MTR: variants seen among roughly 807,000 people sequenced by gnomAD.
MTR encodes the protein methionine synthase.
In MTR, 84 loss-of-function variants were observed where a neutral mutation model predicts 154.8. The observed-to-expected ratio is 0.54, with a 90% confidence interval of 0.45 to 0.65. The LOEUF is 0.65. Ranked by LOEUF, MTR falls within the 30% of genes least tolerant of loss-of-function variation. The probability of loss-of-function intolerance (pLI) is 0.00; values close to 1 mark genes in which losing one functional copy is unlikely to be tolerated. For synonymous variants in MTR, 554 were observed against 553.9 expected (o/e 1.00, Z 0.00); for missense variants, 1,275 against 1,570.2 (o/e 0.81, Z 3.18).
rs1488288041 is a variant in MTR at position 236,897,737 on chromosome 1, G to A, written c.*93G>A. 3 of 1,130,126 alleles carry A rather than the reference G, an allele frequency of 2.7e-6. No homozygotes were observed. In the East Asian group the frequency reaches 7.1e-5, roughly 27 times the overall value. The allele number at this position is 1,130,126 out of a possible 1,614,324, so 70.0% of individuals were successfully genotyped here. A position where few individuals can be genotyped will look rare whatever the true frequency, so the allele number is the denominator to read the frequency against. ...AAAATAACAACAACAAAAAACCTGT[G>A]TGCATCTGGCTGACACTTACCTGCT... On this transcript the variant is annotated 3_prime_UTR_variant, in exon 33 of 33. Transcript: ENST00000366577.
intron 24 of MTR, among the ~76,000 whole-genome samples, chr1:236,878,254 G>A (rs1189727865): frequency 1.3e-5 from 2 of 152,066 alleles, no homozygotes; most frequent in Non-Finnish European, 2.9e-5. Flanking sequence ...TCATCTCCTA[G>A]GAGAGCCACC....
At chr1:236,808,655 T>C in intron 3 of MTR, 49 bp from the exon 4 acceptor site, 1 of 1,535,632 alleles carries the variant, frequency 6.5e-7, no homozygotes, top group South Asian at 1.1e-5. Context: ...CATTATTTAT[T>C]GTGCGGAGGA....
rs1264676428 is a variant in MTR, at chr1:236,806,164, A to C, written c.270A>C (p.Ala90=). ...TGCAGGAATACTTGCTGGCTGGGGC[A>C]GATATCATTGAAACAAATACTTTTA... The part of the protein sequence containing the change: ...QIHKEYLLAG[A]DIIETNTFSS... Residue 90 remains alanine (A), a synonymous_variant, in exon 3 of 33, where the codon GCA becomes GCC. Transcript: ENST00000366577. The C allele has an allele frequency of 6.2e-7, 1 of 1,614,110 alleles. No individual in the cohort carries two copies.
chr1:236,901,327 CATTT>C lies in MTR; in HGVS notation c.*3685_*3688del, dbSNP rs1666908688. 1.3e-5 allele frequency: 2 copies of C among 152,314 alleles called. No homozygotes were observed. Among genetic ancestry groups the C allele is most frequent in the African/African-American group, 4.8e-5 (2 of 41,386 alleles). 9.4% of individuals were successfully genotyped at this position (152,314 alleles called of 1,614,324 possible). On this transcript the variant is annotated 3_prime_UTR_variant, in exon 33 of 33. Coordinates refer to ENST00000366577, the MANE Select transcript of MTR (RefSeq NM_000254.3). ...GGGAGGTGTGGAAGACTTGTTGACT[CATTT>C]AAAGAAGATTGGAGGGAAAGGTAGG...
At chr1:236,870,386 G>C (rs920470053) in intron 22 of MTR, among the ~76,000 whole-genome samples, 4 of 152,180 alleles carry the variant, frequency 2.6e-5, no homozygotes, top group Admixed American at 1.3e-4. Flanking sequence ...GAAATGTTCT[G>C]GGGCTCAGCC....
intron 22 of MTR, among the ~76,000 whole-genome samples, chr1:236,867,061 C>T (rs1385393261): frequency 2.0e-5 from 3 of 152,170 alleles, no homozygotes; most frequent in Non-Finnish European, 2.9e-5. Flanking sequence ...AGGAAGGTGG[C>T]TATGCTAACC....
At chr1:236,804,582 T>G (rs1660872399) in intron 2 of MTR, among the ~76,000 whole-genome samples, 1 of 152,244 alleles carries the variant, frequency 6.6e-6, no homozygotes, top group Non-Finnish European at 1.5e-5. Flanking sequence ...ATTCCATGTA[T>G]ATATCATCAT....
chr1:236,895,531 A>G lies in MTR; in HGVS notation c.3579A>G (p.Ala1193=). 1 of 1,577,286 alleles carries G rather than the reference A, an allele frequency of 6.3e-7. No individual in the cohort carries two copies. Among genetic ancestry groups the G allele is most frequent in the Non-Finnish European group, 8.6e-7 (1 of 1,160,288 alleles). Residue 1193 remains alanine, a synonymous_variant, in exon 31 of 33, where the codon GCA becomes GCG. Coordinates refer to ENST00000366577, the MANE Select transcript of MTR (RefSeq NM_000254.3). ...AGAAGCTCACCATGTGGAGACTCGC[A>G]GACATCGAGCAGTCTACAGGTAGGA... ...HTEKLTMWRL[A]DIEQSTGIRL...
intron 8 of MTR, chr1:236,820,190 G>A (rs1245967447): frequency 1.6e-5 from 12 of 761,430 alleles, no homozygotes; most frequent in South Asian, 4.0e-5. Flanking sequence ...CTGCACATGC[G>A]TGGCACCATT....
chr1:236,832,549 A>G (rs566669123), intron 13 of MTR, among the ~76,000 whole-genome samples: 8 of 152,314 alleles, frequency 5.3e-5, no homozygotes, highest in African/African-American at 1.7e-4. Flanking sequence ...TGCCTTGGAA[A>G]GTTTATGTGA....
intron 20 of MTR, among the ~76,000 whole-genome samples, chr1:236,861,959 C>T (rs1664571522): frequency 5.9e-5 from 9 of 152,224 alleles, no homozygotes; most frequent in Admixed American, 5.9e-4. Flanking sequence ...AGATAGAGGG[C>T]CTCCTAGACA....
At chr1:236,842,644 A>T (rs528711369) in intron 15 of MTR, among the ~76,000 whole-genome samples, 2 of 152,184 alleles carry the variant, frequency 1.3e-5, no homozygotes, top group East Asian at 3.9e-4. Context: ...CTTCAAATAT[A>T]TCCTGAGCAC....
At chr1:236,892,714 G>A (rs944986274) in intron 29 of MTR, among the ~76,000 whole-genome samples, 14 of 152,096 alleles carry the variant, frequency 9.2e-5, no homozygotes, top group African/African-American at 3.4e-4. Flanking sequence ...AAGGCACTGG[G>A]GTTCTAATGT....
At chr1:236,845,883 A>G (rs1389109402) in intron 15 of MTR, among the ~76,000 whole-genome samples, 1 of 152,262 alleles carries the variant, frequency 6.6e-6, no homozygotes, top group East Asian at 1.9e-4. Context: ...TGGATGTAGC[A>G]ATCAGTTAAG....
At chr1:236,814,082 T>C (rs555170292) in intron 6 of MTR, among the ~76,000 whole-genome samples, 2 of 152,270 alleles carry the variant, frequency 1.3e-5, no homozygotes, top group African/African-American at 4.8e-5. Context: ...TTTTGAACTT[T>C]TCAAAAAAAT....
intron 25 of MTR, among the ~76,000 whole-genome samples, chr1:236,883,856 T>C (rs1665883069): frequency 6.6e-6 from 1 of 152,200 alleles, no homozygotes; most frequent in Non-Finnish European, 1.5e-5. Context: ...TCATTCAGTC[T>C]GACTTCCTTA....
At chr1:236,806,092 G>A (rs1660968202) in intron 2 of MTR, 52 bp from the exon 3 acceptor site, 1 of 1,454,268 alleles carries the variant, frequency 6.9e-7, no homozygotes, top group Non-Finnish European at 9.7e-7. Context: ...TTTATTCTGG[G>A]GGCACAAGAA....
intron 25 of MTR, among the ~76,000 whole-genome samples, chr1:236,882,934 G>A (rs1035495825): frequency 6.6e-6 from 1 of 152,238 alleles, no homozygotes; most frequent in African/African-American, 2.4e-5. Flanking sequence ...TGTTTCAGTT[G>A]GTTGTGGGCT....
Position 236,838,734 on chromosome 1 carries a change from A to G in MTR, c.1515+135A>G, listed in dbSNP as rs535320325. ...TCTTTCCATATACATTCATGTACAT[A>G]TATGTACACGTATCTGTATACAGTC... On this transcript the variant is annotated intron_variant, in intron 15 of 32. Coordinates refer to ENST00000366577, the MANE Select transcript of MTR (RefSeq NM_000254.3). The G allele has an allele frequency of 3.8e-4, 336 of 875,702 alleles. 5 individuals are homozygous for G. In the South Asian group the frequency reaches 4.1e-3, roughly 11 times the overall value. 54.2% of individuals were successfully genotyped at this position (875,702 alleles called of 1,614,324 possible).
Sources: allele counts gnomAD v4.1 joint callset (sites outside exome capture counted in the v4.1 genomes callset), GRCh38; gene constraint gnomAD v4.1.1; transcripts MANE v1.5; gene names NCBI Gene and HGNC (gene_info 2026-07-23, HGNC 2026-07-21).